The following ABCC11 variants were observed in gnomAD, a reference collection of about 807,000 sequenced individuals.
The protein encoded by ABCC11 is ATP-binding cassette sub-family C member 11.
ABCC11 carries 135 observed loss-of-function variants against 149.3 expected under a neutral mutation model. The observed-to-expected ratio is 0.90, with a 90% CI of 0.79 to 1.04. The LOEUF is 1.04. Among genes scored for constraint, ABCC11 ranks in the 50% least tolerant of loss-of-function variants. The pLI is 0.00. For missense variants in ABCC11, 1,680 were observed against 1,722.1 expected (o/e 0.98, Z 0.43); for synonymous variants, 665 against 671.4 (o/e 0.99, Z 0.15).
intron 3 of ABCC11, 33 bp from the exon 4 acceptor site, chr16:48,227,997 T>C (rs781063702): frequency 2.5e-5 from 39 of 1,567,560 alleles, no homozygotes; most frequent in African/African-American, 4.1e-5. Context: ...AAGAATGAAT[T>C]CAGGATCAAG....
chr16:48,184,298 C>T, intron 23 of ABCC11, 142 bp downstream of exon 23: 2 of 1,020,104 alleles, frequency 2.0e-6, no homozygotes, highest in East Asian at 2.6e-5. Flanking sequence ...TTTCAGAAGG[C>T]CAAGCACATA....
Position 48,192,613 on chromosome 16 carries a change from C to A in ABCC11, c.2613G>T (p.Leu871=), listed in dbSNP as rs766172886. The A allele has an allele frequency of 5.6e-6, 9 of 1,614,080 alleles. No homozygotes were observed. The East Asian group carries it at 1.6e-4, about 28-fold the overall frequency. The change falls in exon 20 of 30, where the codon CTG becomes CTT. Residue 871 remains leucine (L), a synonymous_variant. Transcript: ENST00000356608. ...FYQLVYGLNA[L]LLICVGVCSS... is the part of the protein sequence containing the mutation. ...AGCAGACCCCCACACAGATGAGGAG[C>A]AGGGCGTTGAGCCCGTACACCAGCT...
At chr16:48,210,644 T>C (rs1024667432) in intron 11 of ABCC11, 3 of 366,102 alleles carry the variant, frequency 8.2e-6, no homozygotes, top group Non-Finnish European at 9.9e-6. Flanking sequence ...TAATAAATGT[T>C]AGCTGGGTCT....
At chr16:48,228,188 G>T (rs1970202142) in intron 3 of ABCC11, among the ~76,000 whole-genome samples, 1 of 150,302 alleles carries the variant, frequency 6.7e-6, no homozygotes, top group East Asian at 1.9e-4. Context: ...ACTATAAAAT[G>T]CAAATGCAAT....
Position 48,227,846 on chromosome 16 carries a change from G to A in ABCC11, c.355C>T (p.Pro119Ser), listed in dbSNP as rs1457405048. ...RSRLDENTIP[P>S]LSVHDASDKN... ...TCTGAGGCATCATGGACTGACAGTGGAGGGATGGTGTTCTCATCTAAGCGA... is the reference window on the plus strand; with the variant it reads ...TCTGAGGCATCATGGACTGACAGTGAAGGGATGGTGTTCTCATCTAAGCGA... The change falls in exon 4 of 30, where the codon CCA becomes TCA. Residue 119 changes from proline (P) to serine (S), a missense_variant. Coordinates refer to ENST00000356608, the MANE Select transcript of ABCC11 (RefSeq NM_001370497.1). The A allele has an allele frequency of 6.2e-7, 1 of 1,614,104 alleles. No individual in the cohort carries two copies. Among genetic ancestry groups the A allele is most frequent in the East Asian group, 2.2e-5 (1 of 44,866 alleles).
chr16:48,210,356 T>C (rs1401785719), intron 11 of ABCC11: 1 of 152,136 alleles, frequency 6.6e-6, no homozygotes, highest in African/African-American at 2.4e-5. Context: ...TAAGAGACAG[T>C]AGATATTAGA....
intron 12 of ABCC11, among the ~76,000 whole-genome samples, chr16:48,207,966 G>A (rs1006635956): frequency 6.6e-5 from 10 of 151,796 alleles, no homozygotes; most frequent in Admixed American, 2.6e-4. Flanking sequence ...TTTCTCTTCC[G>A]ACGCCATCCT....
At chr16:48,181,580 C>T (rs566739247) in intron 23 of ABCC11, among the ~76,000 whole-genome samples, 1 of 151,758 alleles carries the variant, frequency 6.6e-6, no homozygotes, top group Non-Finnish European at 1.5e-5. Flanking sequence ...GGCAGAGCCT[C>T]TTTGAACCTG....
Position 48,167,632 on chromosome 16 carries a change from G to T in ABCC11, c.3920C>A (p.Ser1307Tyr). The change falls in exon 29 of 30, where the codon TCC (serine) becomes TAC (tyrosine). Residue 1307 changes from serine (S) to tyrosine (Y), a missense_variant. Physicochemically the swap from Ser to Tyr is moderately radical, Grantham distance 144. Transcript: ENST00000356608. ...KIILIDEATA[S>Y]IDMETDTLIQ... is the part of the protein sequence containing the mutation. ...CAGGGTGTCTGTCTCCATGTCAATG[G>T]AGGCTGTGGCTTCATCGATAAGGAT... 2 of 1,614,184 alleles carry T rather than the reference G, an allele frequency of 1.2e-6. No homozygotes were observed. The highest frequency in any genetic ancestry group is 1.7e-6 in the Non-Finnish European group (2 of 1,180,032).
intron 24 of ABCC11, among the ~76,000 whole-genome samples, chr16:48,177,534 G>A (rs1383920713): frequency 6.6e-6 from 1 of 152,214 alleles, no homozygotes; most frequent in Non-Finnish European, 1.5e-5. Context: ...CCCAGGTGAG[G>A]AGATAGAGGA....
rs756121627 is a variant in ABCC11 at position 48,239,561 on chromosome 16, CAAAA to C, written c.-18-7626_-18-7623del. On this transcript the variant is annotated intron_variant, in intron 1 of 29. Transcript: ENST00000356608. ...TAGGCAACAGAGCGAGACTGTGTCA[CAAAA>C]AAAAAAAAAAAAAAAAAAAAATCTA... is the stretch of plus-strand genomic sequence containing the variant. Among the ~76,000 whole-genome samples, 12 of 47,204 alleles carry C rather than the reference CAAAA, an allele frequency of 2.5e-4. No individual in the cohort carries two copies. The South Asian group carries it at 9.3e-3, about 37-fold the overall frequency. 31.0% of individuals were successfully genotyped at this position (47,204 alleles called of 152,430 possible).
At chr16:48,236,700 T>C (rs1970707092) in intron 1 of ABCC11, among the ~76,000 whole-genome samples, 1 of 152,198 alleles carries the variant, frequency 6.6e-6, no homozygotes, top group South Asian at 2.1e-4. Flanking sequence ...TTCTCCAAAG[T>C]AGGCTGACAC....
At chr16:48,211,341 A>C (rs920297465) in intron 10 of ABCC11, 142 bp from the exon 11 acceptor site, 39 of 1,039,678 alleles carry the variant, frequency 3.8e-5, no homozygotes, top group Non-Finnish European at 4.8e-5. Flanking sequence ...AAGTACCACC[A>C]GTTAGGAAAG....
Position 48,216,181 on chromosome 16 carries a change from G to T in ABCC11, c.884C>A (p.Ser295Tyr). The change falls in exon 7 of 30, where the codon TCC becomes TAC. Residue 295 changes from serine to tyrosine, a missense_variant. Transcript: ENST00000356608. ...TGCAGTGTATCCAATAATGAAGTAG[G>T]AAGAAATGCTGCAGATGACCAGCGA... is the stretch of plus-strand genomic sequence containing the variant. The part of the protein sequence containing the change: ...CASLVICSIS[S>Y]YFIIGYTAFI... 2.5e-6 allele frequency: 4 copies of T among 1,614,176 alleles called. No individual in the cohort carries two copies. The highest frequency in any genetic ancestry group is 3.4e-6 in the Non-Finnish European group (4 of 1,180,030).
Position 48,215,018 on chromosome 16 carries a change from T to C in ABCC11, c.1111A>G (p.Lys371Glu). The C allele has an allele frequency of 1.2e-6, 2 of 1,613,904 alleles. No individual in the cohort carries two copies. Among genetic ancestry groups the C allele is most frequent in the Non-Finnish European group, 1.7e-6 (2 of 1,179,930 alleles). ...CACTTCTCCAATAGTTTCCTTTCCT[T>C]CCTTCTTAGGTCTGGGAAATAAAAA... ...FAKIIEDLRR[K>E]ERKLLEKCGL... The change falls in exon 9 of 30, where the codon AAG becomes GAG. Residue 371 changes from lysine to glutamate, a missense_variant. Transcript: ENST00000356608.
At chr16:48,224,057 A>G (rs1205161502) in intron 5 of ABCC11, among the ~76,000 whole-genome samples, 1 of 152,166 alleles carries the variant, frequency 6.6e-6, no homozygotes, top group African/African-American at 2.4e-5. Context: ...GCTAAGTGCC[A>G]GGGACATGGT....
Position 48,200,327 on chromosome 16 carries a change from A to C in ABCC11, c.2031T>G (p.Ile677Met). The C allele has an allele frequency of 6.2e-7, 1 of 1,614,214 alleles. No homozygotes were observed. The highest frequency in any genetic ancestry group is 8.5e-7 in the Non-Finnish European group (1 of 1,180,032). Residue 677 changes from isoleucine (I) to methionine (M), a missense_variant, in exon 15 of 30, where the codon ATT becomes ATG. Ile to Met is a conservative substitution (Grantham distance 10). Transcript: ENST00000356608. ...HVGKHIFEECIKKTLRGKTVV... is the reference protein window; with the variant it reads ...HVGKHIFEECMKKTLRGKTVV... ...CCGTCTTCCCCCTGAGTGTCTTCTTAATGCACTCCTCAAAAATGTGCTTCC... is the reference window on the plus strand; with the variant it reads ...CCGTCTTCCCCCTGAGTGTCTTCTTCATGCACTCCTCAAAAATGTGCTTCC...
At chr16:48,170,859 G>T (rs373718344) in intron 27 of ABCC11, 30 bp downstream of exon 27, 7 of 1,589,666 alleles carry the variant, frequency 4.4e-6, no homozygotes, top group Non-Finnish European at 6.0e-6. Context: ...TGCAGACTTA[G>T]ACCAAGACTT....
rs757331096 is a variant in ABCC11 at position 48,214,930 on chromosome 16, ACCGCTGTGG to A, written c.1190_1198del (p.Ala397_Ala399del). ...TAAGGATGTGTGGATGAGAACCCAG[ACCGCTGTGG>A]CCACTGTGGGGATGATGAACAAGGT... On this transcript the variant is annotated inframe_deletion, in exon 9 of 30. Coordinates refer to ENST00000356608, the MANE Select transcript of ABCC11 (RefSeq NM_001370497.1). The A allele has an allele frequency of 3.7e-6, 6 of 1,613,992 alleles. No individual in the cohort carries two copies. The highest frequency in any genetic ancestry group is 1.3e-5 in the African/African-American group (1 of 74,910).
Sources: allele counts gnomAD v4.1 joint callset (sites outside exome capture counted in the v4.1 genomes callset), GRCh38; gene constraint gnomAD v4.1.1; transcripts MANE v1.5; gene names NCBI Gene and HGNC (gene_info 2026-07-23, HGNC 2026-07-21).